EPHX2: variants seen among roughly 807,000 people sequenced by gnomAD.
EPHX2 encodes epoxide hydrolase 2, also known as bifunctional epoxide hydrolase 2.
In EPHX2, 74 loss-of-function variants were observed where a neutral mutation model predicts 78.7. The ratio of observed to expected loss-of-function variants is 0.94; its 90% CI spans 0.78 to 1.14. EPHX2 has a LOEUF of 1.14. Among genes scored for constraint, EPHX2 ranks in the 50% most tolerant of loss-of-function variants. EPHX2 has a pLI of 0.00. For missense variants in EPHX2, 715 were observed against 702.5 expected (o/e 1.02, Z -0.20); for synonymous variants, 251 against 255.2 (o/e 0.98, Z 0.16).
rs1813745644 is a variant in EPHX2 at position 27,500,984 on chromosome 8, A to T, written c.160A>T (p.Met54Leu). ...ACCAGAGGGTGCCACTACCCGGCTT[A>T]TGAAAGGAGAGATCACACTTTCCCA... is the stretch of plus-strand genomic sequence containing the variant. Reference protein sequence around the residue: ...GGPEGATTRLMKGEITLSQWI... With the variant: ...GGPEGATTRLLKGEITLSQWI... Residue 54 changes from methionine (M) to leucine (L), a missense_variant, in exon 2 of 19, where the codon ATG (methionine) becomes TTG (leucine). By Grantham distance (15) the Met-to-Leu change is conservative (BLOSUM62 2). Coordinates refer to ENST00000521400, the MANE Select transcript of EPHX2 (RefSeq NM_001979.6). 8 of 1,613,384 alleles carry T rather than the reference A, an allele frequency of 5.0e-6. No homozygotes were observed. In the Admixed American group the frequency reaches 1.3e-4, roughly 27 times the overall value.
chr8:27,499,602 A>G (rs1201846498), intron 1 of EPHX2, among the ~76,000 whole-genome samples: 1 of 152,200 alleles, frequency 6.6e-6, no homozygotes, highest in Non-Finnish European at 1.5e-5. Flanking sequence ...TGGGATTGGC[A>G]AGCCAGTTAA....
intron 9 of EPHX2, among the ~76,000 whole-genome samples, chr8:27,520,057 G>T (rs1287963676): frequency 6.6e-6 from 1 of 150,628 alleles, no homozygotes; most frequent in African/African-American, 2.4e-5. Flanking sequence ...GCCCCGGTTG[G>T]TCTTCAACTT....
At chr8:27,547,603 C>T (rs1017470108), downstream of EPHX2, among the ~76,000 whole-genome samples, 2 of 152,108 alleles carry the variant, frequency 1.3e-5, no homozygotes, top group Non-Finnish European at 2.9e-5. Context: ...AACAATGTAT[C>T]ATTGTTGACT....
At chr8:27,497,017 G>A (rs1813597365) in intron 1 of EPHX2, among the ~76,000 whole-genome samples, 1 of 152,196 alleles carries the variant, frequency 6.6e-6, no homozygotes, top group Non-Finnish European at 1.5e-5. Context: ...CAACTGAGAA[G>A]GTGGGAAAAA....
At chr8:27,544,115 C>T (rs1815504879) in intron 17 of EPHX2, 71 bp from the exon 18 acceptor site, 1 of 1,561,276 alleles carries the variant, frequency 6.4e-7, no homozygotes, top group African/African-American at 1.4e-5. Flanking sequence ...CGTCCATTGC[C>T]CATTGCACTA....
chr8:27,525,110 G>GCGCGCGCA (rs1814791607), intron 11 of EPHX2, among the ~76,000 whole-genome samples: 1 of 136,902 alleles, frequency 7.3e-6, no homozygotes, highest in African/African-American at 3.1e-5. Flanking sequence ...GTGTGTGTGC[G>GCGCGCGCA]CGCGCGCGCG....
intron 12 of EPHX2, among the ~76,000 whole-genome samples, chr8:27,535,112 C>A (rs1186167699): frequency 6.6e-6 from 1 of 152,314 alleles, no homozygotes; most frequent in East Asian, 1.9e-4. Flanking sequence ...CCACACTTAA[C>A]TCAATTCCCT....
In EPHX2 at chr8:27,516,367, G is replaced by GA. The variant is rs745450231; in HGVS notation, c.882dup (p.Gly295ArgfsTer21). On this transcript the variant is annotated frameshift_variant, in exon 8 of 19. Coordinates refer to ENST00000521400, the MANE Select transcript of EPHX2 (RefSeq NM_001979.6). LOFTEE classifies it high-confidence loss of function. ...GTTACCGGGTCCTAGCTATGGACAT[G>GA]AAAGGCTATGGAGAGTCATCTGCTC... 4.2e-5 allele frequency: 68 copies of GA among 1,614,142 alleles called. No individual in the cohort carries two copies. The highest frequency in any genetic ancestry group is 5.6e-5 in the Non-Finnish European group (66 of 1,180,014).
At chr8:27,536,691 G>A in intron 12 of EPHX2, 93 bp from the exon 13 acceptor site, 1 of 1,319,536 alleles carries the variant, frequency 7.6e-7, no homozygotes, top group South Asian at 1.2e-5. Context: ...TGGGGCACAG[G>A]TAGGGTGCTT....
At chr8:27,540,436 G>A (rs1815360131) in intron 14 of EPHX2, 118 bp from the exon 15 acceptor site, 5 of 758,448 alleles carry the variant, frequency 6.6e-6, no homozygotes, top group Non-Finnish European at 1.1e-5. Context: ...AAAAGATGGA[G>A]GCACTCATAA....
At chr8:27,501,207 GA>G (rs1813755311) in intron 2 of EPHX2, among the ~76,000 whole-genome samples, 197 bp downstream of exon 2, 1 of 152,106 alleles carries the variant, frequency 6.6e-6, no homozygotes, top group South Asian at 2.1e-4. Flanking sequence ...AATGGTGAAC[GA>G]AAACTGTGAT....
chr8:27,538,210 T>A (rs1815273728), intron 13 of EPHX2, among the ~76,000 whole-genome samples: 1 of 152,190 alleles, frequency 6.6e-6, no homozygotes, highest in African/African-American at 2.4e-5. Context: ...ATCTTTATCA[T>A]CATGAGGGGA....
chr8:27,503,904 G>A, intron 3 of EPHX2, 141 bp downstream of exon 3: 1 of 1,101,152 alleles, frequency 9.1e-7, no homozygotes, highest in Non-Finnish European at 1.2e-6. Context: ...TGGCCCCAAA[G>A]CAAGTTTTAT....
intron 8 of EPHX2, among the ~76,000 whole-genome samples, chr8:27,517,193 A>G (rs72475849): frequency 5.9e-5 from 9 of 152,034 alleles, no homozygotes; most frequent in African/African-American, 2.2e-4. Context: ...TATTTTCTCT[A>G]TTTTTGTTGT....
At chr8:27,508,805 TA>T (rs530009733) in intron 5 of EPHX2, among the ~76,000 whole-genome samples, 178 of 152,196 alleles carry the variant, frequency 1.2e-3, no homozygotes, top group African/African-American at 4.1e-3. Flanking sequence ...TCAGTGATGT[TA>T]AGAAAATGTA....
At chr8:27,510,341 C>A (rs1006245936) in intron 5 of EPHX2, among the ~76,000 whole-genome samples, 2 of 152,178 alleles carry the variant, frequency 1.3e-5, no homozygotes, top group Admixed American at 6.5e-5. Flanking sequence ...GTAGTGGGCT[C>A]CTTGTCATTT....
intron 5 of EPHX2, 27 bp from the exon 6 acceptor site, chr8:27,511,805 GTCTC>G (rs751278252): frequency 2.5e-6 from 4 of 1,610,746 alleles, no homozygotes; most frequent in Middle Eastern, 1.7e-4. Flanking sequence ...GGCTGCTGCT[GTCTC>G]TCTCACTATA....
At chr8:27,493,151 A>C (rs1300250132) in intron 1 of EPHX2, 1 of 164,414 alleles carries the variant, frequency 6.1e-6, no homozygotes, top group Non-Finnish European at 1.3e-5. Flanking sequence ...GAGGTTAAAA[A>C]TACAGGGACT....
chr8:27,493,047 G>A (rs10112639), intron 1 of EPHX2: 18,417 of 161,676 alleles, frequency 0.11, 1,123 homozygotes, highest in African/African-American at 0.17. Context: ...AGCAGTCCTC[G>A]GTAGAAGTTG....
Sources: allele counts gnomAD v4.1 joint callset (sites outside exome capture counted in the v4.1 genomes callset), GRCh38; gene constraint gnomAD v4.1.1; transcripts MANE v1.5; gene names NCBI Gene and HGNC (gene_info 2026-07-23, HGNC 2026-07-21).